PPA2: variants seen among roughly 807,000 people sequenced by gnomAD.
The protein encoded by PPA2 is inorganic pyrophosphatase 2, mitochondrial.
A neutral mutation model predicts 49.5 loss-of-function variants in PPA2; 48 were observed. That is an observed-to-expected ratio of 0.97 (90% CI 0.77 to 1.23). The LOEUF (loss-of-function observed/expected upper bound fraction) is 1.23, where lower values mean the gene tolerates loss of function less well. Ranked by LOEUF, PPA2 falls within the 50% of genes most tolerant of loss-of-function variation. PPA2 has a pLI of 0.00. For synonymous variants in PPA2, 131 were observed against 139.9 expected (o/e 0.94, Z 0.45); for missense variants, 429 against 410.1 (o/e 1.05, Z -0.40).
At chr4:105,417,894 T>C (rs571045997) in intron 7 of PPA2, among the ~76,000 whole-genome samples, 1 of 152,258 alleles carries the variant, frequency 6.6e-6, no homozygotes, top group African/African-American at 2.4e-5. Flanking sequence ...AATGCAGCAA[T>C]GAAGAACATG....
At chr4:105,374,991 C>T (rs1184050246) in intron 10 of PPA2, among the ~76,000 whole-genome samples, 4 of 151,754 alleles carry the variant, frequency 2.6e-5, no homozygotes, top group East Asian at 3.9e-4. Context: ...TGTGCCCAGC[C>T]GGACATTGTC....
chr4:105,369,325 A>G lies in PPA2; in HGVS notation c.*400T>C. The stretch of plus-strand genomic sequence containing the variant: ...CTGCAACCTCTGCCTCCTGGGCTCA[A>G]GCAGTTCTTCTGCCTCAGCCTCCTG... On this transcript the variant is annotated 3_prime_UTR_variant, in exon 12 of 12. Transcript: ENST00000341695. 6.4e-6 allele frequency: 1 copy of G among 156,786 alleles called. No homozygotes were observed. Among genetic ancestry groups the G allele is most frequent in the South Asian group, 1.9e-4 (1 of 5,140 alleles). The allele number at this position is 156,786 out of a possible 1,614,324, so 9.7% of individuals were successfully genotyped here.
chr4:105,394,304 G>A (rs532299881), intron 9 of PPA2, among the ~76,000 whole-genome samples: 54 of 146,420 alleles, frequency 3.7e-4, no homozygotes, highest in African/African-American at 1.4e-3. Context: ...AACCTGGGAG[G>A]CAGAGGCTGC....
chr4:105,418,005 T>G (rs1578840013), intron 7 of PPA2, among the ~76,000 whole-genome samples: 2 of 152,248 alleles, frequency 1.3e-5, no homozygotes, highest in East Asian at 1.9e-4. Context: ...AGTTTCTCTA[T>G]CCTTAAAAAA....
intron 8 of PPA2, among the ~76,000 whole-genome samples, chr4:105,397,524 G>A (rs186224090): frequency 1.5e-3 from 228 of 152,262 alleles, no homozygotes; most frequent in Non-Finnish European, 2.4e-3. Context: ...ATGTTAAAGA[G>A]GCACAAATCA....
At chr4:105,405,814 C>T (rs1320111258) in intron 7 of PPA2, 2 of 472,894 alleles carry the variant, frequency 4.2e-6, no homozygotes, top group Non-Finnish European at 8.2e-6. Flanking sequence ...TACAAAACAA[C>T]ATGTAGGGCT....
At chr4:105,373,890 T>G (rs1372613569) in intron 10 of PPA2, among the ~76,000 whole-genome samples, 1 of 152,070 alleles carries the variant, frequency 6.6e-6, no homozygotes, top group Admixed American at 6.6e-5. Context: ...GTCATTTAAA[T>G]TTGAAAACAT....
chr4:105,373,883 ATT>A (rs888538917), intron 10 of PPA2, among the ~76,000 whole-genome samples: 28 of 152,222 alleles, frequency 1.8e-4, no homozygotes, highest in Middle Eastern at 3.4e-3. Flanking sequence ...AGAAACTGTC[ATT>A]TAAATTTGAA....
intron 6 of PPA2, among the ~76,000 whole-genome samples, chr4:105,431,374 GTT>G: frequency 6.6e-6 from 1 of 152,158 alleles, no homozygotes; most frequent in East Asian, 1.9e-4. Context: ...ACGTAAGCTT[GTT>G]TTAATTAAAA....
In PPA2 at chr4:105,402,251, CAAAA is replaced by C. The variant is rs1450867572; in HGVS notation, c.656-3091_656-3088del. Among the ~76,000 whole-genome samples the C allele has an allele frequency of 6.2e-5, 9 of 145,176 alleles. No individual in the cohort carries two copies. In the East Asian group the frequency reaches 1.4e-3, roughly 23 times the overall value. ...GTGAGACCCCATCTAAAAATAAAAA[CAAAA>C]AAGAAAAAAAAAATTAGGCCTGGGT... is the stretch of plus-strand genomic sequence containing the variant. On this transcript the variant is annotated intron_variant, in intron 7 of 11. Transcript: ENST00000341695.
intron 9 of PPA2, among the ~76,000 whole-genome samples, chr4:105,388,195 A>G (rs1317132996): frequency 6.6e-6 from 1 of 152,174 alleles, no homozygotes; most frequent in African/African-American, 2.4e-5. Context: ...AAAGAGACAC[A>G]CACACTTACA....
rs760594754 is a variant in PPA2 at position 105,449,345 on chromosome 4, G to C, written c.321+5C>G. Reference sequence around the variant, plus strand: ...CGGTTTCATATTAATAAAGTATATCGGTACCTCCATTTTAGCATTTGTCCA... The same window carrying C: ...CGGTTTCATATTAATAAAGTATATCCGTACCTCCATTTTAGCATTTGTCCA... On this transcript the variant is annotated splice_donor_5th_base_variant and intron_variant, in intron 4 of 11. Transcript: ENST00000341695. 1 of 1,539,370 alleles carries C rather than the reference G, an allele frequency of 6.5e-7. No individual in the cohort carries two copies. Among genetic ancestry groups the C allele is most frequent in the Non-Finnish European group, 8.9e-7 (1 of 1,122,102 alleles).
chr4:105,376,725 T>G (rs1285805665), intron 10 of PPA2, among the ~76,000 whole-genome samples: 1 of 152,184 alleles, frequency 6.6e-6, no homozygotes, highest in African/African-American at 2.4e-5. Flanking sequence ...TTGGCCTGAA[T>G]TCTAGATTGT....
intron 6 of PPA2, among the ~76,000 whole-genome samples, chr4:105,427,682 A>G (rs1357431036): frequency 2.0e-5 from 3 of 152,236 alleles, no homozygotes; most frequent in African/African-American, 7.2e-5. Context: ...AAAGCCTCCA[A>G]GAAATATAGG....
intron 7 of PPA2, among the ~76,000 whole-genome samples, chr4:105,414,506 A>T (rs1427156050): frequency 6.6e-6 from 1 of 152,218 alleles, no homozygotes; most frequent in Non-Finnish European, 1.5e-5. Flanking sequence ...GGGCACCAGC[A>T]CAGGCACCGG....
chr4:105,472,405 G>A (rs1723559154), intron 1 of PPA2, among the ~76,000 whole-genome samples: 1 of 152,174 alleles, frequency 6.6e-6, no homozygotes, highest in African/African-American at 2.4e-5. Context: ...GCCTAACAGT[G>A]TCTAGCACAC....
Position 105,386,565 on chromosome 4 carries a change from AC to A in PPA2, c.939+1del. On this transcript the variant is annotated splice_donor_variant, in intron 10 of 11. Coordinates refer to ENST00000341695, the MANE Select transcript of PPA2 (RefSeq NM_176869.3). LOFTEE classifies it high-confidence loss of function. ...AGGATGTCTTGGATGTTTGCCCCTT[AC>A]CGATTCAACTAATGATCTTGCTTCC... 3 of 1,608,676 alleles carry A rather than the reference AC, an allele frequency of 1.9e-6. No individual in the cohort carries two copies. The highest frequency in any genetic ancestry group is 2.6e-6 in the Non-Finnish European group (3 of 1,175,480).
At chr4:105,394,390 A>AAAAAG (rs1734050339) in intron 9 of PPA2, among the ~76,000 whole-genome samples, 1 of 122,600 alleles carries the variant, frequency 8.2e-6, no homozygotes, top group East Asian at 3.6e-4. Context: ...AAAAAAAAAA[A>AAAAAG]GAAAGAAAAA....
intron 2 of PPA2, chr4:105,456,039 C>T (rs765168351): frequency 3.1e-6 from 1 of 327,196 alleles, no homozygotes; most frequent in Non-Finnish European, 6.0e-6. Context: ...CTCGAAACAC[C>T]CCAACAATTT....
Sources: gnomAD v4.1 joint callset for allele counts (sites outside exome capture counted in the v4.1 genomes callset) on GRCh38, gnomAD v4.1.1 for gene constraint, MANE v1.5 for transcripts, NCBI Gene and HGNC (gene_info 2026-07-23, HGNC 2026-07-21) for gene names.